Variants in NRG1 observed in about 807,000 individuals in gnomAD.
NRG1 encodes pro-neuregulin-1, membrane-bound isoform.
NRG1 carries 18 observed loss-of-function variants against 63.8 expected under a neutral mutation model. The observed-to-expected ratio is 0.28, with a 90% CI of 0.19 to 0.42. The LOEUF (loss-of-function observed/expected upper bound fraction) is 0.42. NRG1 is among the 10% of genes least tolerant of loss of function. NRG1 has a pLI of 1.00. For missense variants in NRG1, 762 were observed against 814.7 expected (o/e 0.94, Z 0.79); for synonymous variants, 302 against 301.3 (o/e 1.00, Z -0.02).
intron 1 of NRG1, among the ~76,000 whole-genome samples, chr8:32,224,866 C>T (rs2132515853): frequency 6.6e-6 from 1 of 152,224 alleles, no homozygotes; most frequent in Admixed American, 6.5e-5. Flanking sequence ...GGGAATTAAT[C>T]CATTTATTCA....
At chr8:31,819,648 C>A (rs1424168672) in intron 1 of NRG1, among the ~76,000 whole-genome samples, 1 of 152,052 alleles carries the variant, frequency 6.6e-6, no homozygotes. Context: ...AATTAGGAAC[C>A]TCACCCTATC....
chr8:32,179,175 G>A (rs1438139462), intron 1 of NRG1, among the ~76,000 whole-genome samples: 1 of 117,714 alleles, frequency 8.5e-6, no homozygotes, highest in African/African-American at 3.3e-5. Flanking sequence ...TCTTCCCAAC[G>A]TCTCACAGTC....
intron 1 of NRG1, among the ~76,000 whole-genome samples, chr8:32,584,402 A>G (rs375919191): frequency 7.2e-5 from 11 of 152,184 alleles, no homozygotes; most frequent in African/African-American, 2.7e-4. Context: ...TAAGAGTGCA[A>G]GGAGGTTTTA....
At chr8:31,714,920 T>G (rs948117697) in intron 1 of NRG1, among the ~76,000 whole-genome samples, 8 of 152,098 alleles carry the variant, frequency 5.3e-5, no homozygotes, top group Non-Finnish European at 8.8e-5. Flanking sequence ...GCCTTGTGAT[T>G]TTTTTTTCTC....
At position 32,571,647 on chromosome 8, in the gene NRG1, G is replaced by A. The variant is rs149734487; in HGVS notation, c.100+22821G>A. Among the ~76,000 whole-genome samples the A allele has an allele frequency of 3.6e-3, 541 of 151,996 alleles. 4 individuals carry two copies. The highest frequency in any genetic ancestry group is 0.01 in the Middle Eastern group (3 of 294). On this transcript the variant is annotated intron_variant, in intron 1 of 11. Transcript: ENST00000356819. ...TCCTTTTACTCACATCTTTCTTCAA[G>A]CTTTATTTGCAAACACCTCCATTCC...
At chr8:31,838,181 C>T (rs1257812503) in intron 1 of NRG1, among the ~76,000 whole-genome samples, 2 of 151,998 alleles carry the variant, frequency 1.3e-5, no homozygotes, top group African/African-American at 4.8e-5. Context: ...TAAAGTATGA[C>T]TCAGACATCA....
intron 5 of NRG1, 100 bp downstream of exon 5, chr8:32,616,985 C>A: frequency 2.2e-6 from 2 of 895,860 alleles, no homozygotes; most frequent in Non-Finnish European, 1.8e-6. Flanking sequence ...TATTAAGGGT[C>A]AGAGTATTGA....
intron 1 of NRG1, among the ~76,000 whole-genome samples, chr8:32,510,345 T>C (rs1186416562): frequency 2.0e-5 from 3 of 150,448 alleles, no homozygotes; most frequent in Admixed American, 1.3e-4. Context: ...ATAGGTAACA[T>C]AGGGAGACCC....
chr8:32,232,586 A>G (rs1847074670), intron 1 of NRG1, among the ~76,000 whole-genome samples: 1 of 152,132 alleles, frequency 6.6e-6, no homozygotes, highest in South Asian at 2.1e-4. Context: ...GGAAAGGGGG[A>G]AAATGGCCTA....
intron 1 of NRG1, among the ~76,000 whole-genome samples, chr8:32,488,531 T>A (rs1441765416): frequency 1.3e-5 from 2 of 152,198 alleles, no homozygotes; most frequent in Non-Finnish European, 2.9e-5. Flanking sequence ...ATCCTAGCAC[T>A]TTGAGAGGCC....
intron 3 of NRG1, among the ~76,000 whole-genome samples, chr8:32,609,552 C>CCT (rs1845934930): frequency 2.4e-5 from 2 of 83,174 alleles, no homozygotes; most frequent in Admixed American, 2.6e-4. Flanking sequence ...CCTTCCCTCC[C>CCT]TCCTTCCTTC....
chr8:32,112,304 A>T (rs1352879032), intron 1 of NRG1, among the ~76,000 whole-genome samples: 1 of 152,202 alleles, frequency 6.6e-6, no homozygotes, highest in African/African-American at 2.4e-5. Flanking sequence ...GAATTATTCC[A>T]GAAAGTGAGG....
chr8:31,687,737 T>C (rs917941691), intron 1 of NRG1, among the ~76,000 whole-genome samples: 2 of 152,248 alleles, frequency 1.3e-5, no homozygotes, highest in African/African-American at 4.8e-5. Context: ...GTCAAGGTGT[T>C]TCTTTGGCCA....
chr8:31,640,044 C>G lies in NRG1; in HGVS notation c.37+613C>G. 6 of 1,142,366 alleles carry G rather than the reference C, an allele frequency of 5.3e-6. No homozygotes were observed. Among genetic ancestry groups the G allele is most frequent in the Non-Finnish European group, 6.4e-6 (6 of 932,380 alleles). 70.8% of individuals were successfully genotyped at this position (1,142,366 alleles called of 1,614,324 possible). ...GTCCCGGCCCCCGGGCCCAGCGCCC[C>G]GGCTCCGCCGCCCGCTCGTCGCCGC... is the stretch of plus-strand genomic sequence containing the variant. On this transcript the variant is annotated intron_variant, in intron 1 of 10. Transcript: ENST00000519301. The surrounding 1 kb of genome is among the most constrained non-coding windows in gnomAD (Gnocchi z 6.3).
chr8:32,030,638 A>T (rs1818124783), intron 1 of NRG1, among the ~76,000 whole-genome samples: 1 of 152,120 alleles, frequency 6.6e-6, no homozygotes, highest in South Asian at 2.1e-4. Flanking sequence ...TCCGTTGGGG[A>T]TGATCATATG....
At chr8:31,981,897 G>T (rs1416680560) in intron 1 of NRG1, among the ~76,000 whole-genome samples, 2 of 151,986 alleles carry the variant, frequency 1.3e-5, no homozygotes, top group South Asian at 2.1e-4. Context: ...ATGTGTATAT[G>T]CTGGGCAAAG....
chr8:31,686,530 A>G (rs550974857), intron 1 of NRG1, among the ~76,000 whole-genome samples: 1 of 152,306 alleles, frequency 6.6e-6, no homozygotes, highest in Non-Finnish European at 1.5e-5. Flanking sequence ...TGAAATGGAA[A>G]CATACCATTT....
At chr8:32,351,724 C>T (rs1268311905) in intron 1 of NRG1, among the ~76,000 whole-genome samples, 1 of 152,178 alleles carries the variant, frequency 6.6e-6, no homozygotes, top group African/African-American at 2.4e-5. Context: ...CTCATGCTTC[C>T]TGGCACCCTG....
At chr8:32,680,385 A>G (rs184723337) in intron 5 of NRG1, among the ~76,000 whole-genome samples, 18 of 152,336 alleles carry the variant, frequency 1.2e-4, no homozygotes, top group African/African-American at 4.3e-4. Context: ...AGTCCAGGCA[A>G]GTGCTGAGTG....
Sources: allele counts gnomAD v4.1 joint callset (sites outside exome capture counted in the v4.1 genomes callset), GRCh38; gene constraint gnomAD v4.1.1; non-coding constraint Gnocchi (gnomAD v3.1); transcripts MANE v1.5; gene names NCBI Gene and HGNC (gene_info 2026-07-23, HGNC 2026-07-21).